The following SPATA22 variants were observed in gnomAD, a reference collection of about 807,000 sequenced individuals.
SPATA22 encodes the protein spermatogenesis associated 22.
Under a neutral mutation model 47.8 loss-of-function variants are expected in SPATA22, and 29 were observed. The observed-to-expected ratio is 0.61, with a 90% CI of 0.45 to 0.83. SPATA22 has a LOEUF of 0.83. Ranked by LOEUF, SPATA22 falls within the 40% of genes least tolerant of loss-of-function variation. The pLI is 0.00. For synonymous variants in SPATA22, 133 were observed against 140.9 expected, an observed-to-expected ratio of 0.94 and a Z score of 0.40; for missense variants, 410 against 421.7, an observed-to-expected ratio of 0.97 and a Z score of 0.24.
At chr17:3,452,950 T>C (rs1278440186) in intron 5 of SPATA22, among the ~76,000 whole-genome samples, 2 of 152,148 alleles carry the variant, frequency 1.3e-5, no homozygotes, top group Admixed American at 6.5e-5. Context: ...CTATCAAACA[T>C]TCAAAGACAA....
At chr17:3,465,334 A>G (rs979304080) in intron 3 of SPATA22, among the ~76,000 whole-genome samples, 1 of 152,024 alleles carries the variant, frequency 6.6e-6, no homozygotes, top group African/African-American at 2.4e-5. Flanking sequence ...TGTGGAATAG[A>G]AAGCGGGGAA....
At chr17:3,448,245 A>G (rs1392185959) in intron 6 of SPATA22, among the ~76,000 whole-genome samples, 1 of 152,210 alleles carries the variant, frequency 6.6e-6, no homozygotes, top group Non-Finnish European at 1.5e-5. Flanking sequence ...TAATAAGTTG[A>G]TCATAAAGAA....
rs1173352103 is a variant in SPATA22 at position 3,489,338 on chromosome 17, T to C, written c.-73-19940A>G. ...CTCTTGATTTTATACATCATTTCAA[T>C]GAAGGTAAGTAATAATGAAGGTAAC... On this transcript the variant is annotated intron_variant, in intron 1 of 8. Transcript: ENST00000541913. 25 of 1,593,792 alleles carry C rather than the reference T, an allele frequency of 1.6e-5. No individual in the cohort carries two copies. Among genetic ancestry groups the C allele is most frequent in the Non-Finnish European group, 2.1e-5 (24 of 1,161,950 alleles).
At chr17:3,453,110 T>C (rs1341486816) in intron 5 of SPATA22, among the ~76,000 whole-genome samples, 1 of 152,070 alleles carries the variant, frequency 6.6e-6, no homozygotes, top group Admixed American at 6.6e-5. Flanking sequence ...AGAACATACA[T>C]GCAAAAATCC....
At chr17:3,499,209 T>G in intron 1 of SPATA22, 1 of 938,722 alleles carries the variant, frequency 1.1e-6, no homozygotes, top group Non-Finnish European at 1.6e-6. Flanking sequence ...AGTGCCTTAT[T>G]CGGTAGGCAT....
intron 1 of SPATA22, among the ~76,000 whole-genome samples, chr17:3,494,195 G>T (rs2073872509): frequency 6.6e-6 from 1 of 151,856 alleles, no homozygotes; most frequent in Non-Finnish European, 1.5e-5. Flanking sequence ...AGTGGAGATG[G>T]GGTTCACCAT....
At chr17:3,462,356 A>T in intron 5 of SPATA22, 127 bp downstream of exon 5, 1 of 645,434 alleles carries the variant, frequency 1.5e-6, no homozygotes, top group Admixed American at 2.9e-5. Context: ...CATAGTTGTT[A>T]TTTATAGAAA....
At chr17:3,506,680 C>G (rs2074043132) in intron 1 of SPATA22, among the ~76,000 whole-genome samples, 1 of 152,218 alleles carries the variant, frequency 6.6e-6, no homozygotes, top group Non-Finnish European at 1.5e-5. Flanking sequence ...GCACAGGGAC[C>G]TGTAATCCCA....
chr17:3,455,115 T>C (rs2072955369), intron 5 of SPATA22, among the ~76,000 whole-genome samples: 1 of 151,590 alleles, frequency 6.6e-6, no homozygotes, highest in Non-Finnish European at 1.5e-5. Context: ...GAAGTGTCTG[T>C]TCATATCCTT....
intron 1 of SPATA22, among the ~76,000 whole-genome samples, chr17:3,487,686 C>G (rs762962107): frequency 3.3e-5 from 5 of 152,176 alleles, no homozygotes; most frequent in Non-Finnish European, 7.3e-5. Flanking sequence ...AATAAAGATT[C>G]CTTCATTCTT....
intron 1 of SPATA22, among the ~76,000 whole-genome samples, chr17:3,479,043 A>C (rs1469490779): frequency 6.6e-6 from 1 of 152,082 alleles, no homozygotes. Flanking sequence ...CCTGTCATCT[A>C]TTTTCCATCT....
At chr17:3,502,924 C>T (rs570836185) in intron 1 of SPATA22, 3 of 152,344 alleles carry the variant, frequency 2.0e-5, no homozygotes, top group South Asian at 2.1e-4. Flanking sequence ...ACTGGACACA[C>T]ATAGAAATGT....
intron 5 of SPATA22, among the ~76,000 whole-genome samples, chr17:3,459,693 C>CCACT (rs1307850774): frequency 6.6e-6 from 1 of 152,196 alleles, no homozygotes; most frequent in East Asian, 1.9e-4. Context: ...CAGGTGTGAG[C>CCACT]CACTGCATCT....
rs528849287 is a variant in SPATA22, at chr17:3,446,655, T to C, written c.673-54A>G. ...AGAAAAATATTTGTTTTTTTCATCA[T>C]ACTCGTTTACCTTCTACGTAAAAAT... On this transcript the variant is annotated intron_variant, in intron 6 of 8. Transcript: ENST00000572969. 1.5e-5 allele frequency: 20 copies of C among 1,336,252 alleles called. No homozygotes were observed. The East Asian group carries it at 1.6e-4, about 10-fold the overall frequency. 82.8% of individuals were successfully genotyped at this position (1,336,252 alleles called of 1,614,324 possible).
At chr17:3,497,459 G>C (rs1755451086) in intron 1 of SPATA22, among the ~76,000 whole-genome samples, 1 of 152,212 alleles carries the variant, frequency 6.6e-6, no homozygotes, top group Non-Finnish European at 1.5e-5. Context: ...ATGACTCCAT[G>C]CTCTGCAAGT....
chr17:3,492,525 T>TA (rs1277434869), intron 1 of SPATA22, among the ~76,000 whole-genome samples: 2 of 152,186 alleles, frequency 1.3e-5, no homozygotes, highest in Non-Finnish European at 1.5e-5. Flanking sequence ...TGTTCAGAGA[T>TA]AGAGTCTATT....
intron 5 of SPATA22, among the ~76,000 whole-genome samples, chr17:3,458,706 T>C (rs1422519715): frequency 6.6e-6 from 1 of 151,806 alleles, no homozygotes; most frequent in African/African-American, 2.4e-5. Flanking sequence ...CCAGGCATAG[T>C]GGCACATGCC....
chr17:3,463,156 G>C (rs770620746), intron 3 of SPATA22, among the ~76,000 whole-genome samples: 1 of 152,184 alleles, frequency 6.6e-6, no homozygotes, highest in Non-Finnish European at 1.5e-5. Flanking sequence ...CAGAGATAGA[G>C]AGGAGAAAAA....
intron 8 of SPATA22, among the ~76,000 whole-genome samples, chr17:3,442,162 T>TA (rs1567590464): frequency 6.6e-6 from 1 of 152,030 alleles, no homozygotes; most frequent in Non-Finnish European, 1.5e-5. Flanking sequence ...AAAGTTTTTT[T>TA]AAAAAACTTC....
Sources: allele counts gnomAD v4.1 joint callset (sites outside exome capture counted in the v4.1 genomes callset), GRCh38; gene constraint gnomAD v4.1.1; transcripts MANE v1.5; gene names NCBI Gene and HGNC (gene_info 2026-07-23, HGNC 2026-07-21).